Variants in UTRN observed in about 807,000 individuals in gnomAD.
UTRN encodes dystrophin-related protein 1.
A neutral mutation model predicts 463.9 loss-of-function variants in UTRN; 283 were observed. The observed-to-expected ratio is 0.61, with a 90% CI of 0.55 to 0.67. The LOEUF (loss-of-function observed/expected upper bound fraction) is 0.67. Ranked by LOEUF, UTRN falls within the 30% of genes least tolerant of loss-of-function variation. The probability of loss-of-function intolerance (pLI) is 0.00; values close to 1 mark genes in which losing one functional copy is unlikely to be tolerated. For synonymous variants in UTRN, 1,442 were observed against 1,431.5 expected, an observed-to-expected ratio of 1.01 and a Z score of -0.17; for missense variants, 3,922 against 4,084.3, an observed-to-expected ratio of 0.96 and a Z score of 1.08.
At chr6:144,563,958 C>A (rs752052028) in intron 50 of UTRN, among the ~76,000 whole-genome samples, 2 of 152,122 alleles carry the variant, frequency 1.3e-5, no homozygotes, top group African/African-American at 4.8e-5. Flanking sequence ...AACTAAAGAG[C>A]CAATGCCCAC....
intron 48 of UTRN, 74 bp downstream of exon 48, chr6:144,551,156 CACACACACACACAA>C: frequency 1.2e-6 from 1 of 831,020 alleles, no homozygotes; most frequent in Non-Finnish European, 1.8e-6. Flanking sequence ...CACACACACA[CACACACACACACAA>C]ACACATTTTC....
chr6:144,821,047 T>A (rs1779555558), intron 66 of UTRN, 29 bp downstream of exon 66: 1 of 1,607,874 alleles, frequency 6.2e-7, no homozygotes, highest in Non-Finnish European at 8.5e-7. Context: ...TTAAATCTAG[T>A]GTGAACATTT....
At chr6:144,414,167 A>T (rs1307851825) in intron 3 of UTRN, among the ~76,000 whole-genome samples, 1 of 152,040 alleles carries the variant, frequency 6.6e-6, no homozygotes, top group Non-Finnish European at 1.5e-5. Flanking sequence ...AGCCTCAGGC[A>T]GTTCCTTCAG....
chr6:144,822,804 A>C (rs1278695427), intron 66 of UTRN, among the ~76,000 whole-genome samples: 2 of 152,046 alleles, frequency 1.3e-5, no homozygotes, highest in African/African-American at 4.8e-5. Flanking sequence ...TAACCTTTGG[A>C]ATGGATAATT....
intron 3 of UTRN, among the ~76,000 whole-genome samples, chr6:144,419,420 T>C (rs1784635760): frequency 6.6e-6 from 1 of 152,394 alleles, no homozygotes; most frequent in East Asian, 1.9e-4. Context: ...GAAAATTTAC[T>C]GCACTTTCCC....
Position 144,527,211 on chromosome 6 carries a change from C to G in UTRN, c.5907-3841C>G, listed in dbSNP as rs1220069971. On this transcript the variant is annotated intron_variant, in intron 41 of 74. Coordinates refer to ENST00000367545, the MANE Select transcript of UTRN (RefSeq NM_007124.3). ...TGCTGGCTTAATAGCAGCAAATTCT[C>G]TCAGTATTTGTTTGAAAAAGACTAT... Among the ~76,000 whole-genome samples the G allele has an allele frequency of 2.0e-5, 3 of 152,212 alleles. No individual in the cohort carries two copies. In the East Asian group the frequency reaches 5.8e-4, roughly 29 times the overall value.
At chr6:144,316,294 A>G (rs1272934553) in intron 2 of UTRN, among the ~76,000 whole-genome samples, 2 of 152,214 alleles carry the variant, frequency 1.3e-5, no homozygotes, top group Admixed American at 6.5e-5. Context: ...CATAGCTCTC[A>G]TTCAGGTGGT....
At chr6:144,508,980 T>G (rs1794938714) in intron 34 of UTRN, among the ~76,000 whole-genome samples, 1 of 152,210 alleles carries the variant, frequency 6.6e-6, no homozygotes, top group African/African-American at 2.4e-5. Context: ...TATAGTATAT[T>G]TTAACTGCAG....
At chr6:144,420,573 T>G (rs903282463) in intron 3 of UTRN, among the ~76,000 whole-genome samples, 1 of 152,262 alleles carries the variant, frequency 6.6e-6, no homozygotes, top group Non-Finnish European at 1.5e-5. Flanking sequence ...TGGGAGTTGA[T>G]GCTATTTATC....
chr6:144,459,175 G>A lies in UTRN; in HGVS notation c.2528G>A (p.Arg843Gln), dbSNP rs995534610. The A allele has an allele frequency of 2.3e-5, 37 of 1,609,716 alleles. No homozygotes were observed. Among genetic ancestry groups the A allele is most frequent in the African/African-American group, 1.9e-4 (14 of 74,704 alleles). ...GTGACCGTATTTTCTCTTCCTTAGC[G>A]GGAATTGACAAATCTTCTTGGCCTT... is the stretch of plus-strand genomic sequence containing the variant. Reference protein sequence around the residue: ...SLPSLKDSCQRELTNLLGLHP... With the variant: ...SLPSLKDSCQQELTNLLGLHP... The change falls in exon 21 of 75, where the codon CGG becomes CAG. Residue 843 changes from arginine (R) to glutamine (Q), a missense_variant and splice_region_variant. Physicochemically the swap from Arg to Gln is conservative, Grantham distance 43. Around this residue, in one of 3 missense-constraint regions of UTRN, gnomAD observed 2,349 missense variants for 2,303.8 expected, o/e 1.02. Transcript: ENST00000367545.
chr6:144,403,097 C>T, intron 2 of UTRN, 26 bp from the exon 3 acceptor site: 1 of 1,606,058 alleles, frequency 6.2e-7, no homozygotes, highest in Non-Finnish European at 8.5e-7. Context: ...ATACTTTTTC[C>T]TTCTCTTTCT....
intron 41 of UTRN, among the ~76,000 whole-genome samples, chr6:144,525,715 T>A (rs1796513880): frequency 6.6e-6 from 1 of 152,108 alleles, no homozygotes; most frequent in Non-Finnish European, 1.5e-5. Flanking sequence ...TTTTTTTTCT[T>A]CTGCTGGGCT....
At position 144,302,549 on chromosome 6, in the gene UTRN, A is replaced by G. The variant is rs17073610; in HGVS notation, c.79+10642A>G. Among the ~76,000 whole-genome samples, 1,185 of 151,410 alleles carry G rather than the reference A, an allele frequency of 7.8e-3. 69 individuals carry two copies. In the East Asian group the frequency reaches 0.15, roughly 20 times the overall value. On this transcript the variant is annotated intron_variant, in intron 2 of 74. Transcript: ENST00000367545. ...GCTATGCCTTTTAATGGTTTTAAAA[A>G]TTACACTTGCTTACATACATACCTC...
At position 144,733,605 on chromosome 6, in the gene UTRN, A is replaced by G. The variant is rs182758915; in HGVS notation, c.7939+3119A>G. The stretch of plus-strand genomic sequence containing the variant: ...TATAGTTCCATAACCAATCTATACT[A>G]TCTACTTCCTTGAATGATTTTGGAA... On this transcript the variant is annotated intron_variant, in intron 54 of 74. Coordinates refer to ENST00000367545, the MANE Select transcript of UTRN (RefSeq NM_007124.3). 3.3e-5 allele frequency among the ~76,000 whole-genome samples: 5 copies of G among 151,976 alleles called. No individual in the cohort carries two copies. The East Asian group carries it at 7.7e-4, about 24-fold the overall frequency.
intron 66 of UTRN, 148 bp downstream of exon 66, chr6:144,821,166 T>C: frequency 9.5e-7 from 1 of 1,053,894 alleles, no homozygotes; most frequent in Non-Finnish European, 1.3e-6. Context: ...ACAACATGAA[T>C]TTTTACAATT....
chr6:144,388,448 G>C (rs1029557356), intron 2 of UTRN, among the ~76,000 whole-genome samples: 1 of 151,498 alleles, frequency 6.6e-6, no homozygotes, highest in Non-Finnish European at 1.5e-5. Context: ...GAGTAGCTGG[G>C]ACTACAGGTG....
At chr6:144,331,829 G>A (rs1776354806) in intron 2 of UTRN, among the ~76,000 whole-genome samples, 1 of 152,200 alleles carries the variant, frequency 6.6e-6, no homozygotes, top group South Asian at 2.1e-4. Context: ...CCAGAGAAGT[G>A]ACTTGCAAAG....
At position 144,473,827 on chromosome 6, in the gene UTRN, G is replaced by C. The variant is rs1790914111; in HGVS notation, c.3174G>C (p.Gln1058His). Residue 1058 changes from glutamine to histidine, a missense_variant, in exon 24 of 75, where the codon CAG (glutamine) becomes CAC (histidine). Gln to His is a conservative substitution (Grantham distance 24, BLOSUM62 0). Transcript: ENST00000367545. ...CAGGTCTACAGAGGCAGTTAGACCA[G>C]TGCTCTGTGAGTTCTGCTGATCTGG... ...DDAGLQRQLDQCSAFVNEIET... is the reference protein window; with the variant it reads ...DDAGLQRQLDHCSAFVNEIET... 1.2e-6 allele frequency: 2 copies of C among 1,611,802 alleles called. No homozygotes were observed. The highest frequency in any genetic ancestry group is 3.3e-5 in the Admixed American group (2 of 59,868).
At position 144,485,503 on chromosome 6, in the gene UTRN, T is replaced by C; in HGVS notation, c.3806T>C (p.Val1269Ala). 1.2e-6 allele frequency: 2 copies of C among 1,614,074 alleles called. No homozygotes were observed. The highest frequency in any genetic ancestry group is 8.5e-7 in the Non-Finnish European group (1 of 1,179,988). The change falls in exon 28 of 75, where the codon GTC becomes GCC. Residue 1269 changes from valine (V) to alanine (A), a missense_variant. Physicochemically the swap from Val to Ala is moderately conservative, Grantham distance 64. Around this residue, in one of 3 missense-constraint regions of UTRN, gnomAD observed 2,349 missense variants for 2,303.8 expected, o/e 1.02. Transcript: ENST00000367545. The stretch of plus-strand genomic sequence containing the variant: ...GTCCTGCCTGAGAAGACGGATGCTG[T>C]CAACGAAGCCCTGGAGGTTGGAACC... Reference protein sequence around the residue: ...TEVLPEKTDAVNEALESLESV... With the variant: ...TEVLPEKTDAANEALESLESV...
Sources: gnomAD v4.1 joint callset for allele counts (sites outside exome capture counted in the v4.1 genomes callset) on GRCh38, gnomAD v4.1.1 for gene constraint, gnomAD v4.1.1 regional missense constraint, MANE v1.5 for transcripts, NCBI Gene and HGNC (gene_info 2026-07-23, HGNC 2026-07-21) for gene names.